CMIP: variants seen among roughly 807,000 people sequenced by gnomAD.
The protein encoded by CMIP is C-Maf-inducing protein.
Under a neutral mutation model 97.3 loss-of-function variants are expected in CMIP, and 13 were observed. The observed-to-expected ratio is 0.13, with a 90% CI of 0.09 to 0.21. CMIP has a LOEUF of 0.21. Ranked by LOEUF, CMIP falls within the 10% of genes least tolerant of loss-of-function variation. The probability of loss-of-function intolerance (pLI) is 1.00; values close to 1 mark genes in which losing one functional copy is unlikely to be tolerated. For synonymous variants in CMIP, 538 were observed against 436.3 expected (o/e 1.23, Z -2.91); for missense variants, 847 against 1,024.9 (o/e 0.83, Z 2.37).
intron 1 of CMIP, among the ~76,000 whole-genome samples, chr16:81,554,182 A>G (rs1299099598): frequency 6.6e-6 from 1 of 152,240 alleles, no homozygotes; most frequent in Non-Finnish European, 1.5e-5. Context: ...TGATAAATGT[A>G]TGTTGAGGGG....
At chr16:81,564,633 C>T (rs1213685870) in intron 1 of CMIP, among the ~76,000 whole-genome samples, 3 of 152,180 alleles carry the variant, frequency 2.0e-5, no homozygotes, top group Non-Finnish European at 2.9e-5. Flanking sequence ...CAAGAGTGTG[C>T]TCTTGAGACA....
chr16:81,654,231 TTTATTA>T (rs58919554), intron 4 of CMIP, among the ~76,000 whole-genome samples: 3 of 150,728 alleles, frequency 2.0e-5, no homozygotes, highest in South Asian at 2.1e-4. Context: ...CTCCTTGGGC[TTTATTA>T]TTATTATTAT....
chr16:81,559,778 T>C (rs997127019), intron 1 of CMIP, among the ~76,000 whole-genome samples: 11 of 152,152 alleles, frequency 7.2e-5, no homozygotes, highest in African/African-American at 2.7e-4. Flanking sequence ...TGTTATTTTG[T>C]GGTATACTCC....
At chr16:81,604,714 A>G (rs1188018949) in intron 1 of CMIP, among the ~76,000 whole-genome samples, 1 of 152,102 alleles carries the variant, frequency 6.6e-6, no homozygotes, top group Non-Finnish European at 1.5e-5. Context: ...AAAACAAAAC[A>G]AAAAAACAGT....
Position 81,627,662 on chromosome 16 carries a change from G to A in CMIP, c.477+6736G>A, listed in dbSNP as rs2092092792. ...CCCTGTGCTCCTGAGTCCGGAAACA[G>A]TTCTGTGGGGTCCACATCCCTCCCC... On this transcript the variant is annotated intron_variant, in intron 3 of 20. Transcript: ENST00000537098. This position sits in a 1 kb window ranked among gnomAD's most constrained non-coding sequence, Gnocchi z 4.6. Among the ~76,000 whole-genome samples, 1 of 152,078 alleles carries A rather than the reference G, an allele frequency of 6.6e-6. No homozygotes were observed. Among genetic ancestry groups the A allele is most frequent in the Non-Finnish European group, 1.5e-5 (1 of 67,998 alleles).
rs763834273 is a variant in CMIP at position 81,445,223 on chromosome 16, C to A, written c.-19C>A. ...ACAGCCCCCTCTCCCCGCCCCCAGCCCCCTCCCCCGGCGCGGCCATGGATG... is the reference window on the plus strand; with the variant it reads ...ACAGCCCCCTCTCCCCGCCCCCAGCACCCTCCCCCGGCGCGGCCATGGATG... On this transcript the variant is annotated 5_prime_UTR_variant, in exon 1 of 21. Coordinates refer to ENST00000537098, the MANE Select transcript of CMIP (RefSeq NM_198390.3). The A allele has an allele frequency of 3.3e-5, 50 of 1,498,956 alleles. No individual in the cohort carries two copies. The East Asian group carries it at 8.4e-4, about 25-fold the overall frequency. 92.9% of individuals were successfully genotyped at this position (1,498,956 alleles called of 1,614,324 possible).
chr16:81,459,639 C>G (rs1283885230), intron 1 of CMIP, among the ~76,000 whole-genome samples: 1 of 152,244 alleles, frequency 6.6e-6, no homozygotes, highest in Non-Finnish European at 1.5e-5. Flanking sequence ...GATATTGCCC[C>G]TGACGCATGC....
chr16:81,670,289 TTCCTCTCGGA>T (rs1392492323), intron 8 of CMIP, 44 bp downstream of exon 8: 14 of 1,557,100 alleles, frequency 9.0e-6, no homozygotes, highest in Non-Finnish European at 1.1e-5. Context: ...AGGAGCCACT[TTCCTCTCGGA>T]TCCTGTTTAC....
intron 1 of CMIP, among the ~76,000 whole-genome samples, chr16:81,545,317 C>T (rs1032102365): frequency 1.3e-5 from 2 of 152,224 alleles, no homozygotes; most frequent in Admixed American, 1.3e-4. Flanking sequence ...GTCCTTGTAT[C>T]ACCAGCGCCT....
At chr16:81,539,219 G>A (rs867321390) in intron 1 of CMIP, among the ~76,000 whole-genome samples, 3 of 152,274 alleles carry the variant, frequency 2.0e-5, no homozygotes, top group Middle Eastern at 3.4e-3. Context: ...TTTCCAGGCC[G>A]GCATCTCAAT....
In CMIP at chr16:81,610,326, C is replaced by T. The variant is rs569886593; in HGVS notation, c.426+2634C>T. The T allele has an allele frequency of 5.6e-5, 55 of 985,628 alleles. 1 individual carries two copies. In the African/African-American group the frequency reaches 6.8e-4, roughly 12 times the overall value. 61.1% of individuals were successfully genotyped at this position (985,628 alleles called of 1,614,324 possible). On this transcript the variant is annotated intron_variant, in intron 2 of 20. Coordinates refer to ENST00000537098, the MANE Select transcript of CMIP (RefSeq NM_198390.3). ...GCCGCCGTGGTGCTGAGGAGCCGAG[C>T]GGGCGGGGAGCCTCTAGCTGCTCCA...
At chr16:81,586,037 G>T (rs184269597) in intron 1 of CMIP, among the ~76,000 whole-genome samples, 1 of 151,132 alleles carries the variant, frequency 6.6e-6, no homozygotes, top group Admixed American at 6.6e-5. Flanking sequence ...CTCACAGCCG[G>T]ACTCCATTGC....
chr16:81,523,412 G>A (rs1199047887), intron 1 of CMIP, among the ~76,000 whole-genome samples: 1 of 152,162 alleles, frequency 6.6e-6, no homozygotes, highest in African/African-American at 2.4e-5. Context: ...CTCACCCCCT[G>A]TCACACAGAA....
Position 81,616,502 on chromosome 16 carries a change from T to G in CMIP, c.427-4374T>G, listed in dbSNP as rs564399332. On this transcript the variant is annotated intron_variant, in intron 2 of 20. Transcript: ENST00000537098. This position sits in a 1 kb window ranked among gnomAD's most constrained non-coding sequence, Gnocchi z 4.7. Reference sequence around the variant, plus strand: ...GTGCCTGGTACCGAGTAAGCACCCGTGGTCTGTGGTTGGTAGTGACATGCG... The same window carrying G: ...GTGCCTGGTACCGAGTAAGCACCCGGGGTCTGTGGTTGGTAGTGACATGCG... Among the ~76,000 whole-genome samples, 1 of 152,306 alleles carries G rather than the reference T, an allele frequency of 6.6e-6. No homozygotes were observed. The highest frequency in any genetic ancestry group is 2.1e-4 in the South Asian group (1 of 4,830).
At chr16:81,476,724 G>A (rs1907946593) in intron 1 of CMIP, among the ~76,000 whole-genome samples, 1 of 152,208 alleles carries the variant, frequency 6.6e-6, no homozygotes. Flanking sequence ...TGGTCTTCTA[G>A]ATTGCTTCTA....
At chr16:81,638,691 G>C (rs1192548935) in intron 3 of CMIP, among the ~76,000 whole-genome samples, 1 of 151,874 alleles carries the variant, frequency 6.6e-6, no homozygotes, top group Admixed American at 6.6e-5. Flanking sequence ...TCTATAGCCT[G>C]TTCAAAATCT....
rs371094449 is a variant in CMIP at position 81,555,481 on chromosome 16, G to A, written c.301-52086G>A. On this transcript the variant is annotated intron_variant, in intron 1 of 20. Transcript: ENST00000537098. Reference sequence around the variant, plus strand: ...ACCTGCCCAGGTAACACACCCTACAGGATGCACACAGACTCAGTGTGCACA... The same window carrying A: ...ACCTGCCCAGGTAACACACCCTACAAGATGCACACAGACTCAGTGTGCACA... Among the ~76,000 whole-genome samples, 5 of 152,312 alleles carry A rather than the reference G, an allele frequency of 3.3e-5. No homozygotes were observed. In the East Asian group the frequency reaches 9.7e-4, roughly 29 times the overall value.
At chr16:81,521,050 G>A (rs918600700) in intron 1 of CMIP, among the ~76,000 whole-genome samples, 1 of 152,248 alleles carries the variant, frequency 6.6e-6, no homozygotes, top group African/African-American at 2.4e-5. Flanking sequence ...GCTTTTTGCA[G>A]CCTGGGAACA....
chr16:81,600,275 G>GAAAAAAAAA (rs71146022), intron 1 of CMIP, among the ~76,000 whole-genome samples: 4 of 81,716 alleles, frequency 4.9e-5, no homozygotes, highest in Admixed American at 3.0e-4. Flanking sequence ...GACTCCATCT[G>GAAAAAAAAA]AAAAAAAAAA....
Sources: gnomAD v4.1 joint callset for allele counts (sites outside exome capture counted in the v4.1 genomes callset) on GRCh38, gnomAD v4.1.1 for gene constraint, Gnocchi (gnomAD v3.1) non-coding constraint, MANE v1.5 for transcripts, NCBI Gene and HGNC (gene_info 2026-07-23, HGNC 2026-07-21) for gene names.